Variants in FAM241A observed in about 807,000 individuals in gnomAD.
FAM241A encodes the protein uncharacterized protein FAM241A.
A neutral mutation model predicts 12.2 loss-of-function variants in FAM241A; 7 were observed. The ratio of observed to expected loss-of-function variants is 0.58; its 90% CI spans 0.33 to 1.08. The LOEUF (loss-of-function observed/expected upper bound fraction) is 1.08, where lower values mean the gene tolerates loss of function less well. Ranked by LOEUF, FAM241A falls within the 50% of genes least tolerant of loss-of-function variation. The pLI is 0.04. For synonymous variants in FAM241A, 74 were observed against 68.2 expected (o/e 1.08, Z -0.42); for missense variants, 161 against 169.7 (o/e 0.95, Z 0.29).
intron 1 of FAM241A, among the ~76,000 whole-genome samples, chr4:112,152,093 CACTAGAG>C (rs1723255440): frequency 6.6e-6 from 1 of 152,208 alleles, no homozygotes; most frequent in Non-Finnish European, 1.5e-5. Context: ...GACATCCAGT[CACTAGAG>C]TAACTCAGGG....
chr4:112,157,576 T>C (rs1723380357), intron 1 of FAM241A, among the ~76,000 whole-genome samples: 1 of 152,104 alleles, frequency 6.6e-6, no homozygotes, highest in Non-Finnish European at 1.5e-5. Context: ...TCTATTCCAG[T>C]CTTCTTGCCT....
chr4:112,193,245 T>C lies in FAM241A; in HGVS notation c.*6307T>C, dbSNP rs923076168. Reference sequence around the variant, plus strand: ...TGAGTTCATTGTAGATTCTGGATATTAGCCCTTTGTCAGATGAGTAGGTTG... The same window carrying C: ...TGAGTTCATTGTAGATTCTGGATATCAGCCCTTTGTCAGATGAGTAGGTTG... On this transcript the variant is annotated 3_prime_UTR_variant, in exon 2 of 2. Coordinates refer to ENST00000309733, the MANE Select transcript of FAM241A (RefSeq NM_152400.3). 1 of 152,064 alleles carries C rather than the reference T, an allele frequency of 6.6e-6. No homozygotes were observed. Among genetic ancestry groups the C allele is most frequent in the African/African-American group, 2.4e-5 (1 of 41,374 alleles). The allele number at this position is 152,064 out of a possible 1,614,324, so 9.4% of individuals were successfully genotyped here.
rs542269288 is a variant in FAM241A, at chr4:112,189,370, C to CAAAAAA, written c.*2452_*2457dup. ...TGGGTAACAGAGTGAGACCCCATCTCAAAAAAAAAAAAAAAAAAAAAAAAA... is the reference window on the plus strand; with the variant it reads ...TGGGTAACAGAGTGAGACCCCATCTCAAAAAAAAAAAAAAAAAAAAAAAAAAAAAAA... On this transcript the variant is annotated 3_prime_UTR_variant, in exon 2 of 2. Transcript: ENST00000309733. 5 of 78,410 alleles carry CAAAAAA rather than the reference C, an allele frequency of 6.4e-5. No homozygotes were observed. The highest frequency in any genetic ancestry group is 1.5e-4 in the African/African-American group (3 of 19,704). 4.9% of individuals were successfully genotyped at this position (78,410 alleles called of 1,614,324 possible).
chr4:112,179,242 G>T (rs1383098750), intron 1 of FAM241A, among the ~76,000 whole-genome samples: 1 of 152,110 alleles, frequency 6.6e-6, no homozygotes, highest in Non-Finnish European at 1.5e-5. Context: ...TTTTCTTCTA[G>T]GGTTTTTATG....
At chr4:112,146,614 T>C (rs1723143382) in intron 1 of FAM241A, among the ~76,000 whole-genome samples, 1 of 152,258 alleles carries the variant, frequency 6.6e-6, no homozygotes, top group Admixed American at 6.5e-5. Flanking sequence ...TTCAAATGAT[T>C]ATTGGCCTTT....
At chr4:112,164,599 A>G (rs940714628) in intron 1 of FAM241A, among the ~76,000 whole-genome samples, 1 of 152,152 alleles carries the variant, frequency 6.6e-6, no homozygotes, top group Non-Finnish European at 1.5e-5. Context: ...AAGTATAATA[A>G]TTTTAAAAAA....
chr4:112,165,664 A>G (rs1350166593), intron 1 of FAM241A, among the ~76,000 whole-genome samples: 1 of 152,226 alleles, frequency 6.6e-6, no homozygotes, highest in African/African-American at 2.4e-5. Flanking sequence ...CAGGAAGACA[A>G]ACATCGCATA....
chr4:112,171,725 G>T (rs1483518127), intron 1 of FAM241A, among the ~76,000 whole-genome samples: 12 of 152,138 alleles, frequency 7.9e-5, no homozygotes, highest in Non-Finnish European at 1.3e-4. Context: ...CAGGCATGGT[G>T]GCGGGCGCCT....
intron 1 of FAM241A, among the ~76,000 whole-genome samples, chr4:112,174,468 T>G (rs997887225): frequency 1.3e-5 from 2 of 152,196 alleles, no homozygotes; most frequent in Admixed American, 1.3e-4. Context: ...AGGACTTTGT[T>G]TACTTGGGAA....
At chr4:112,169,212 T>C (rs907621846) in intron 1 of FAM241A, among the ~76,000 whole-genome samples, 15 of 152,282 alleles carry the variant, frequency 9.9e-5, no homozygotes, top group Admixed American at 3.3e-4. Flanking sequence ...ATACTCAATG[T>C]TTTTAAGAAT....
In FAM241A at chr4:112,174,775, C is replaced by A. The variant is rs117760212; in HGVS notation, c.154-11918C>A. 1.6e-3 allele frequency among the ~76,000 whole-genome samples: 251 copies of A among 152,292 alleles called. 4 individuals carry two copies. The East Asian group carries it at 0.034, about 21-fold the overall frequency. On this transcript the variant is annotated intron_variant, in intron 1 of 1. Coordinates refer to ENST00000309733, the MANE Select transcript of FAM241A (RefSeq NM_152400.3). ...ACGGGGTAGACTTGAAAGCATTCTC[C>A]ATGCTGTACATAGACCCATCAACAC...
chr4:112,169,725 C>T (rs970403810), intron 1 of FAM241A, among the ~76,000 whole-genome samples: 2 of 152,144 alleles, frequency 1.3e-5, no homozygotes, highest in South Asian at 2.1e-4. Context: ...GGGGAGAAAA[C>T]GTAGCTATGA....
At chr4:112,172,285 CTTACA>C (rs1342536037) in intron 1 of FAM241A, among the ~76,000 whole-genome samples, 1 of 152,108 alleles carries the variant, frequency 6.6e-6, no homozygotes, top group Non-Finnish European at 1.5e-5. Flanking sequence ...GTTTTCAAGG[CTTACA>C]TATTTCAGAG....
intron 1 of FAM241A, among the ~76,000 whole-genome samples, chr4:112,175,168 T>TA (rs1321841803): frequency 6.6e-6 from 1 of 152,200 alleles, no homozygotes; most frequent in Non-Finnish European, 1.5e-5. Context: ...TTTATTGGCT[T>TA]ACGTTATGAA....
At chr4:112,153,497 A>G (rs1723287028) in intron 1 of FAM241A, among the ~76,000 whole-genome samples, 1 of 152,152 alleles carries the variant, frequency 6.6e-6, no homozygotes, top group Non-Finnish European at 1.5e-5. Context: ...CCTTGTTCCT[A>G]CTAGTTATGT....
intron 1 of FAM241A, among the ~76,000 whole-genome samples, chr4:112,183,416 G>GTCTC (rs1723981876): frequency 6.6e-6 from 1 of 151,992 alleles, no homozygotes; most frequent in African/African-American, 2.4e-5. Flanking sequence ...GAGCATTGCT[G>GTCTC]TCTCCTCGCC....
Position 112,187,005 on chromosome 4 carries a change from C to A in FAM241A, c.*67C>A. On this transcript the variant is annotated 3_prime_UTR_variant, in exon 2 of 2. Transcript: ENST00000309733. ...ATGTAATTGAAGAAGTTATATATTTCACTTTTTGACAACCGAAAAAGTTTG... is the reference window on the plus strand; with the variant it reads ...ATGTAATTGAAGAAGTTATATATTTAACTTTTTGACAACCGAAAAAGTTTG... The A allele has an allele frequency of 2.0e-6, 3 of 1,525,506 alleles. No individual in the cohort carries two copies. The highest frequency in any genetic ancestry group is 2.6e-6 in the Non-Finnish European group (3 of 1,135,348). The allele number at this position is 1,525,506 out of a possible 1,614,324, so 94.5% of individuals were successfully genotyped here. A position where few individuals can be genotyped will look rare whatever the true frequency, so the allele number is the denominator to read the frequency against.
At chr4:112,147,353 C>A (rs1419017178) in intron 1 of FAM241A, among the ~76,000 whole-genome samples, 1 of 152,090 alleles carries the variant, frequency 6.6e-6, no homozygotes, top group African/African-American at 2.4e-5. Context: ...GTATTCTAAG[C>A]CCCCATACAC....
At chr4:112,148,489 C>T (rs906283783) in intron 1 of FAM241A, among the ~76,000 whole-genome samples, 1 of 152,106 alleles carries the variant, frequency 6.6e-6, no homozygotes, top group African/African-American at 2.4e-5. Context: ...GTCATTCTGG[C>T]CTGAGTCTTT....
Sources: allele counts gnomAD v4.1 joint callset (sites outside exome capture counted in the v4.1 genomes callset), GRCh38; gene constraint gnomAD v4.1.1; transcripts MANE v1.5; gene names NCBI Gene and HGNC (gene_info 2026-07-23, HGNC 2026-07-21).